CSRP1: variants seen among roughly 807,000 people sequenced by gnomAD.
CSRP1 encodes the protein cysteine and glycine-rich protein 1.
In CSRP1, 16 loss-of-function variants were observed where a neutral mutation model predicts 25.4. The observed-to-expected ratio is 0.63, with a 90% confidence interval of 0.43 to 0.96. CSRP1 has a LOEUF of 0.96. CSRP1 is among the 40% of genes least tolerant of loss of function. The pLI is 0.00. For synonymous variants in CSRP1, 97 were observed against 95.3 expected (o/e 1.02, Z -0.10); for missense variants, 212 against 243.6 (o/e 0.87, Z 0.86).
At chr1:201,496,711 T>C (rs603836) in intron 1 of CSRP1, 146,755 of 177,616 alleles carry the variant, frequency 0.83, 61,652 homozygotes, top group East Asian at 1. Context: ...GCTGGGAAAA[T>C]GCAAGTCCAT....
At chr1:201,492,420 A>G (rs557374908) in intron 2 of CSRP1, 1 of 152,278 alleles carries the variant, frequency 6.6e-6, no homozygotes, top group South Asian at 2.1e-4. Flanking sequence ...CAGGTGATAT[A>G]CTGAGAGACT....
rs1023189685 is a variant in CSRP1, at chr1:201,495,246, A to T, written c.112+946T>A. Among the ~76,000 whole-genome samples, 6 of 152,246 alleles carry T rather than the reference A, an allele frequency of 3.9e-5. No homozygotes were observed. In the South Asian group the frequency reaches 6.2e-4, roughly 16 times the overall value. On this transcript the variant is annotated intron_variant, in intron 2 of 5. Coordinates refer to ENST00000340006, the MANE Select transcript of CSRP1 (RefSeq NM_004078.3). ...CCCTGTCTCTCTAAAAATTTTTTTT[A>T]AAAATTGGCAGAGCATGGTGGCATG...
chr1:201,493,110 G>A (rs1571779608), intron 2 of CSRP1, among the ~76,000 whole-genome samples: 1 of 152,196 alleles, frequency 6.6e-6, no homozygotes, highest in South Asian at 2.1e-4. Flanking sequence ...TCCCAGCCAC[G>A]GAGCTGAGCT....
At chr1:201,486,584 C>T (rs1664151462) in intron 4 of CSRP1, 1 of 992,808 alleles carries the variant, frequency 1.0e-6, no homozygotes, top group African/African-American at 1.7e-5. Flanking sequence ...GCTGCCTCCT[C>T]TGTAAAGCAG....
At chr1:201,501,979 A>G (rs1365241381) in intron 1 of CSRP1, among the ~76,000 whole-genome samples, 3 of 146,034 alleles carry the variant, frequency 2.1e-5, no homozygotes, top group Non-Finnish European at 4.5e-5. Context: ...GCAATAAAGC[A>G]ATACTCAGTC....
At chr1:201,498,055 G>A (rs919276830) in intron 1 of CSRP1, among the ~76,000 whole-genome samples, 1 of 152,102 alleles carries the variant, frequency 6.6e-6, no homozygotes, top group African/African-American at 2.4e-5. Context: ...AGTATGTCTG[G>A]TGATTAAATG....
At chr1:201,503,124 G>C (rs1480984252) in intron 1 of CSRP1, among the ~76,000 whole-genome samples, 1 of 152,114 alleles carries the variant, frequency 6.6e-6, no homozygotes, top group African/African-American at 2.4e-5. Context: ...CAGCCTGGGG[G>C]ACAAAAGCGA....
chr1:201,490,112 G>A (rs1664286384), intron 3 of CSRP1, 64 bp downstream of exon 3: 1 of 1,510,034 alleles, frequency 6.6e-7, no homozygotes, highest in East Asian at 2.3e-5. Context: ...AAATACACAT[G>A]AGGCCTAATA....
intron 2 of CSRP1, among the ~76,000 whole-genome samples, chr1:201,494,848 ACGTGTG>A (rs1664460737): frequency 4.3e-5 from 6 of 139,952 alleles, no homozygotes; most frequent in South Asian, 2.5e-4. Context: ...GTGCGTGTGC[ACGTGTG>A]TGCGCATGTG....
intron 3 of CSRP1, 72 bp downstream of exon 3, chr1:201,490,104 A>G (rs1304804337): frequency 6.8e-7 from 1 of 1,480,764 alleles, no homozygotes; most frequent in African/African-American, 1.4e-5. Context: ...ATGGTTGTAA[A>G]TACACATGAG....
rs1337046680 is a variant in CSRP1 at position 201,484,782 on chromosome 1, A to G, written c.513T>C (p.Tyr171=). 12 of 1,611,364 alleles carry G rather than the reference A, an allele frequency of 7.4e-6. No homozygotes were observed. The highest frequency in any genetic ancestry group is 1.0e-5 in the Non-Finnish European group (12 of 1,179,542). The change falls in exon 6 of 6, where the codon TAT becomes TAC. Residue 171 remains tyrosine, a synonymous_variant. Coordinates refer to ENST00000340006, the MANE Select transcript of CSRP1 (RefSeq NM_004078.3). ...AGCCCTTGGGCCCGAAGTTTTTAGCATAACATCCTGCAGAGAGAGGAGAGA... is the reference window on the plus strand; with the variant it reads ...AGCCCTTGGGCCCGAAGTTTTTAGCGTAACATCCTGCAGAGAGAGGAGAGA... ...KDGEIYCKGC[Y]AKNFGPKGFG...
chr1:201,484,503 G>T lies in CSRP1; in HGVS notation c.*210C>A. The T allele has an allele frequency of 1.7e-6, 1 of 590,592 alleles. No individual in the cohort carries two copies. The allele number at this position is 590,592 out of a possible 1,614,324, so 36.6% of individuals were successfully genotyped here. A position where few individuals can be genotyped will look rare whatever the true frequency, so the allele number is the denominator to read the frequency against. On this transcript the variant is annotated 3_prime_UTR_variant, in exon 6 of 6. Transcript: ENST00000340006. The stretch of plus-strand genomic sequence containing the variant: ...ACACTGAGGTCTCCTACTGGTGATG[G>T]TGTCAGATCCCAGGCCTGGGGAGCC...
chr1:201,496,347 T>G, intron 1 of CSRP1, 43 bp from the exon 2 acceptor site: 1 of 1,436,268 alleles, frequency 7.0e-7, no homozygotes, highest in Non-Finnish European at 9.8e-7. Context: ...TACAGGGAGA[T>G]GGAAACATCT....
intron 1 of CSRP1, 136 bp from the exon 2 acceptor site, chr1:201,496,440 T>G: frequency 1.4e-6 from 1 of 717,014 alleles, no homozygotes; most frequent in South Asian, 1.6e-5. Context: ...CCACCAGGCC[T>G]GGCAGAGCAC....
rs376024488 is a variant in CSRP1, at chr1:201,496,981, T to C, written c.-1-677A>G. 3.1e-4 allele frequency among the ~76,000 whole-genome samples: 47 copies of C among 152,290 alleles called. 1 individual carries two copies. The highest frequency in any genetic ancestry group is 1.2e-3 in the South Asian group (6 of 4,826). On this transcript the variant is annotated intron_variant, in intron 1 of 5. Coordinates refer to ENST00000340006, the MANE Select transcript of CSRP1 (RefSeq NM_004078.3). ...TTATAATTATTCTTTGAACTGTACA[T>C]GTAGGTTTTGTGCACACTTTTGTAT...
Position 201,484,133 on chromosome 1 carries a change from C to G in CSRP1, c.*580G>C. The G allele has an allele frequency of 1.5e-6, 1 of 653,912 alleles. No homozygotes were observed. The highest frequency in any genetic ancestry group is 2.9e-6 in the Non-Finnish European group (1 of 350,512). 40.5% of individuals were successfully genotyped at this position (653,912 alleles called of 1,614,324 possible). A position where few individuals can be genotyped will look rare whatever the true frequency, so the allele number is the denominator to read the frequency against. On this transcript the variant is annotated 3_prime_UTR_variant, in exon 6 of 6. Transcript: ENST00000340006. ...TCCACAAAGACTCAAAGGCAAGAGG[C>G]CTGGAGAAGCAGGGGCTCCTAGGAC...
intron 1 of CSRP1, chr1:201,496,697 C>T (rs1222346834): frequency 2.9e-5 from 6 of 209,162 alleles, no homozygotes; most frequent in Non-Finnish European, 3.8e-5. Flanking sequence ...GCAGACAGAC[C>T]AGAGCTGGGA....
At chr1:201,488,025 CTTGTTGTGTGATCTTGGCCAAGTCACT>C (rs1337529094) in intron 4 of CSRP1, 1 of 152,214 alleles carries the variant, frequency 6.6e-6, no homozygotes, top group Non-Finnish European at 1.5e-5. Flanking sequence ...ATTCCATAAC[CTTGTTGTGTGATCTTGGCCAAGTCACT>C]TTTCTATCTC....
intron 2 of CSRP1, chr1:201,491,723 A>G (rs866339277): frequency 6.6e-6 from 1 of 152,210 alleles, no homozygotes; most frequent in Non-Finnish European, 1.5e-5. Flanking sequence ...CGGTTTGATC[A>G]TATTCCTTAA....
Sources: allele counts gnomAD v4.1 joint callset (sites outside exome capture counted in the v4.1 genomes callset), GRCh38; gene constraint gnomAD v4.1.1; transcripts MANE v1.5; gene names NCBI Gene and HGNC (gene_info 2026-07-23, HGNC 2026-07-21).